EPB41L4B: variants seen among roughly 807,000 people sequenced by gnomAD.
The protein encoded by EPB41L4B is erythrocyte membrane protein band 4.1 like 4B, also known as band 4.1-like protein 4B.
A neutral mutation model predicts 112.5 loss-of-function variants in EPB41L4B; 30 were observed. The observed-to-expected ratio is 0.27, with a 90% CI of 0.20 to 0.36. The LOEUF is 0.36. EPB41L4B is among the 10% of genes least tolerant of loss of function. The pLI, the probability that EPB41L4B is intolerant of heterozygous loss-of-function variation, is 1.00. For missense variants in EPB41L4B, 1,024 were observed against 1,133.3 expected, an observed-to-expected ratio of 0.90 and a Z score of 1.38; for synonymous variants, 408 against 439.7, an observed-to-expected ratio of 0.93 and a Z score of 0.90.
chr9:109,268,575 G>C (rs1333280031), intron 2 of EPB41L4B, 142 bp from the exon 3 acceptor site: 1 of 718,824 alleles, frequency 1.4e-6, no homozygotes, highest in Non-Finnish European at 2.2e-6. Flanking sequence ...CTTAGGCTGG[G>C]AATCTGCAAA....
At position 109,269,972 on chromosome 9, in the gene EPB41L4B, G is replaced by A. The variant is rs141017094; in HGVS notation, c.412-1539C>T. Among the ~76,000 whole-genome samples, 11 of 152,378 alleles carry A rather than the reference G, an allele frequency of 7.2e-5. No homozygotes were observed. In the East Asian group the frequency reaches 1.9e-3, roughly 27 times the overall value. Reference sequence around the variant, plus strand: ...TACAATAAGCTGGGGGCAGTGCCATGGGAGAACGTGGGTTGTGGGGCTTTT... The same window carrying A: ...TACAATAAGCTGGGGGCAGTGCCATAGGAGAACGTGGGTTGTGGGGCTTTT... On this transcript the variant is annotated intron_variant, in intron 2 of 25. Transcript: ENST00000374566.
chr9:109,228,148 T>C (rs1432431729), intron 15 of EPB41L4B, among the ~76,000 whole-genome samples: 1 of 152,204 alleles, frequency 6.6e-6, no homozygotes, highest in Non-Finnish European at 1.5e-5. Context: ...TATCTAGTGT[T>C]TCACCATTAA....
chr9:109,288,477 T>A (rs1836384647), intron 1 of EPB41L4B, among the ~76,000 whole-genome samples: 1 of 151,762 alleles, frequency 6.6e-6, no homozygotes, highest in South Asian at 2.1e-4. Context: ...TCCCAGCACT[T>A]TGGGAGGCCG....
chr9:109,263,559 A>T (rs959920426), intron 5 of EPB41L4B, among the ~76,000 whole-genome samples: 4 of 152,272 alleles, frequency 2.6e-5, no homozygotes, highest in African/African-American at 9.6e-5. Flanking sequence ...GCATGGCTGG[A>T]TACACTCAGC....
chr9:109,264,852 T>A (rs1249953408), intron 5 of EPB41L4B, 128 bp downstream of exon 5: 6 of 699,796 alleles, frequency 8.6e-6, no homozygotes, highest in Non-Finnish European at 1.4e-5. Flanking sequence ...AGACTCACTT[T>A]ACAATGCCTG....
At chr9:109,235,013 GCT>G (rs1231357720) in intron 15 of EPB41L4B, among the ~76,000 whole-genome samples, 1 of 152,150 alleles carries the variant, frequency 6.6e-6, no homozygotes, top group African/African-American at 2.4e-5. Flanking sequence ...TGGAGCAGAC[GCT>G]CTGTTTCAAT....
chr9:109,309,144 A>G (rs543745666), intron 1 of EPB41L4B, among the ~76,000 whole-genome samples: 1 of 152,316 alleles, frequency 6.6e-6, no homozygotes, highest in South Asian at 2.1e-4. Flanking sequence ...GGAGGGGTAT[A>G]AAAGGAGAGT....
At chr9:109,200,413 CA>C in intron 19 of EPB41L4B, 79 bp from the exon 20 acceptor site, 1 of 1,074,838 alleles carries the variant, frequency 9.3e-7, no homozygotes, top group Non-Finnish European at 1.4e-6. Flanking sequence ...ACTGCTTTCT[CA>C]GTTAATGTAC....
chr9:109,261,257 T>C (rs891388312), intron 6 of EPB41L4B, among the ~76,000 whole-genome samples: 3 of 151,982 alleles, frequency 2.0e-5, no homozygotes, highest in Admixed American at 2.0e-4. Context: ...TAGATGACAT[T>C]ACCATCAACT....
intron 1 of EPB41L4B, among the ~76,000 whole-genome samples, chr9:109,281,076 A>G (rs933930414): frequency 2.0e-5 from 3 of 152,124 alleles, no homozygotes; most frequent in Non-Finnish European, 2.9e-5. Flanking sequence ...TGACACCAAA[A>G]GCACAAGCAA....
intron 15 of EPB41L4B, among the ~76,000 whole-genome samples, chr9:109,220,458 GTA>G (rs1833532926): frequency 1.3e-5 from 2 of 152,194 alleles, no homozygotes; most frequent in African/African-American, 4.8e-5. Flanking sequence ...AGAGACTCCA[GTA>G]TCTCTCTGTT....
rs1393015178 is a variant in EPB41L4B, at chr9:109,174,152, T to C, written c.*402A>G. On this transcript the variant is annotated 3_prime_UTR_variant, in exon 26 of 26. Transcript: ENST00000374566. ...TAAAGAATTATTCTTTCATTAAAAA[T>C]GACTCTTTAACAAACAGTCAAAGCT... is the stretch of plus-strand genomic sequence containing the variant. 2.5e-5 allele frequency: 4 copies of C among 160,764 alleles called. No individual in the cohort carries two copies. Among genetic ancestry groups the C allele is most frequent in the African/African-American group, 9.6e-5 (4 of 41,658 alleles). 10.0% of individuals were successfully genotyped at this position (160,764 alleles called of 1,614,324 possible). A position where few individuals can be genotyped will look rare whatever the true frequency, so the allele number is the denominator to read the frequency against.
rs1235274060 is a variant in EPB41L4B at position 109,172,449 on chromosome 9, G to C, written c.*2105C>G. On this transcript the variant is annotated 3_prime_UTR_variant, in exon 26 of 26. Coordinates refer to ENST00000374566, the MANE Select transcript of EPB41L4B (RefSeq NM_019114.5). Reference sequence around the variant, plus strand: ...TAAAAGTATAGCCGGGGGACATAGGGGTAAAAGGACCCAAACGCTACAATT... The same window carrying C: ...TAAAAGTATAGCCGGGGGACATAGGCGTAAAAGGACCCAAACGCTACAATT... The C allele has an allele frequency of 6.6e-6, 1 of 152,136 alleles. No homozygotes were observed. The highest frequency in any genetic ancestry group is 2.4e-5 in the African/African-American group (1 of 41,410). 9.4% of individuals were successfully genotyped at this position (152,136 alleles called of 1,614,324 possible). A position where few individuals can be genotyped will look rare whatever the true frequency, so the allele number is the denominator to read the frequency against.
chr9:109,196,840 A>G (rs1310339204), intron 20 of EPB41L4B, among the ~76,000 whole-genome samples: 2 of 152,172 alleles, frequency 1.3e-5, no homozygotes, highest in Non-Finnish European at 2.9e-5. Flanking sequence ...TTTCCAGGAA[A>G]TAATGTGGCT....
chr9:109,279,259 G>A (rs1835946672), intron 2 of EPB41L4B, among the ~76,000 whole-genome samples: 2 of 151,524 alleles, frequency 1.3e-5, no homozygotes, highest in Admixed American at 6.6e-5. Flanking sequence ...ACAGCCACTA[G>A]GGAGGCTGAG....
At chr9:109,297,201 G>A (rs1836764717) in intron 1 of EPB41L4B, among the ~76,000 whole-genome samples, 1 of 142,772 alleles carries the variant, frequency 7.0e-6, no homozygotes, top group African/African-American at 2.5e-5. Context: ...AGCTGGGGGG[G>A]TGGGGGGGGA....
intron 1 of EPB41L4B, among the ~76,000 whole-genome samples, chr9:109,298,219 T>C (rs1226951706): frequency 6.6e-6 from 1 of 152,156 alleles, no homozygotes; most frequent in Non-Finnish European, 1.5e-5. Flanking sequence ...TAGGGTGAGC[T>C]ACTGTGAATA....
In EPB41L4B at chr9:109,315,516, G is replaced by A. The variant is rs115114514; in HGVS notation, c.306+4625C>T. Among the ~76,000 whole-genome samples, 568 of 152,244 alleles carry A rather than the reference G, an allele frequency of 3.7e-3. 2 individuals carry two copies. The highest frequency in any genetic ancestry group is 0.013 in the African/African-American group (541 of 41,532). ...CTCTTCCATGATCCTGTGTTAGGAC[G>A]TGGGGTTAGTCTTCCCTCCCACTGC... On this transcript the variant is annotated intron_variant, in intron 1 of 25. Coordinates refer to ENST00000374566, the MANE Select transcript of EPB41L4B (RefSeq NM_019114.5).
At chr9:109,271,595 T>C (rs1415665185) in intron 2 of EPB41L4B, among the ~76,000 whole-genome samples, 1 of 152,188 alleles carries the variant, frequency 6.6e-6, no homozygotes, top group African/African-American at 2.4e-5. Context: ...AAGCCCAACA[T>C]GGCATTTAGT....
Sources: allele counts gnomAD v4.1 joint callset (sites outside exome capture counted in the v4.1 genomes callset), GRCh38; gene constraint gnomAD v4.1.1; transcripts MANE v1.5; gene names NCBI Gene and HGNC (gene_info 2026-07-23, HGNC 2026-07-21).